Variants in NPFFR1 observed in about 807,000 individuals in gnomAD.
NPFFR1 encodes neuropeptide FF receptor 1, also known as G-protein coupled receptor 147.
In NPFFR1, 17 loss-of-function variants were observed where a neutral mutation model predicts 12.7. That is an observed-to-expected ratio of 1.34 (90% confidence interval 0.92 to 2.01). NPFFR1 has a LOEUF of 2.01. Among genes scored for constraint, NPFFR1 ranks in the 30% most tolerant of loss-of-function variants. NPFFR1 has a pLI of 0.00. For missense variants in NPFFR1, 604 were observed against 606.5 expected, an observed-to-expected ratio of 1.00 and a Z score of 0.04; for synonymous variants, 296 against 264.5, an observed-to-expected ratio of 1.12 and a Z score of -1.16.
In NPFFR1 at chr10:70,247,687, A is replaced by C. The variant is rs1840463841; in HGVS notation, c.*7270T>G. ...ACAGATAAACTAATTTGCCCAAATC[A>C]CTAAGCTTGGGTTTTTCCACCCACA... On this transcript the variant is annotated 3_prime_UTR_variant, in exon 4 of 4. Coordinates refer to ENST00000277942, the MANE Select transcript of NPFFR1 (RefSeq NM_022146.5). 6.6e-6 allele frequency: 1 copy of C among 152,256 alleles called. No individual in the cohort carries two copies. Among genetic ancestry groups the C allele is most frequent in the Admixed American group, 6.5e-5 (1 of 15,288 alleles). The allele number at this position is 152,256 out of a possible 1,614,324, so 9.4% of individuals were successfully genotyped here.
At chr10:70,283,608 G>A in intron 1 of NPFFR1, 62 bp downstream of exon 1, 3 of 1,474,858 alleles carry the variant, frequency 2.0e-6, no homozygotes, top group Admixed American at 2.0e-5. Context: ...CTCTCCCTTC[G>A]CCCCATGCCC....
At position 70,255,080 on chromosome 10, in the gene NPFFR1, G is replaced by T. The variant is rs1362996955; in HGVS notation, c.1170C>A (p.Ser390Arg). ...DSGLPSESGP[S>R]SGAPRPGRLP... ...GGCGGCCGGGCCTGGGGGCCCCACT[G>T]CTAGGGCCCGACTCAGAGGGCAGCC... Residue 390 changes from serine (S) to arginine (R), a missense_variant, in exon 4 of 4, where the codon AGC becomes AGA. Ser to Arg is a moderately radical substitution (Grantham distance 110). Transcript: ENST00000277942. This position sits in a 1 kb window ranked among gnomAD's most constrained non-coding sequence, Gnocchi z 4.2. 10 of 1,457,078 alleles carry T rather than the reference G, an allele frequency of 6.9e-6. No individual in the cohort carries two copies. Among genetic ancestry groups the T allele is most frequent in the Non-Finnish European group, 9.0e-6 (10 of 1,111,338 alleles). The allele number at this position is 1,457,078 out of a possible 1,614,324, so 90.3% of individuals were successfully genotyped here. A position where few individuals can be genotyped will look rare whatever the true frequency, so the allele number is the denominator to read the frequency against.
rs181276178 is a variant in NPFFR1, at chr10:70,266,612, C to A, written c.8-221G>T. ...TTCATGCCCTGTCTTGCCCATAACTCATTCTCCAATGTTGGTTTTTCTTTA... is the reference window on the plus strand; with the variant it reads ...TTCATGCCCTGTCTTGCCCATAACTAATTCTCCAATGTTGGTTTTTCTTTA... On this transcript the variant is annotated intron_variant, in intron 1 of 3. Coordinates refer to ENST00000277942, the MANE Select transcript of NPFFR1 (RefSeq NM_022146.5). 1.2e-4 allele frequency among the ~76,000 whole-genome samples: 19 copies of A among 152,312 alleles called. No individual in the cohort carries two copies. In the East Asian group the frequency reaches 1.9e-3, roughly 15 times the overall value.
At chr10:70,278,310 C>A (rs1205716367) in intron 1 of NPFFR1, among the ~76,000 whole-genome samples, 2 of 141,528 alleles carry the variant, frequency 1.4e-5, no homozygotes, top group African/African-American at 5.1e-5. Context: ...CACCCCCCAC[C>A]CTGCCCCGTA....
At position 70,255,387 on chromosome 10, in the gene NPFFR1, G is replaced by A. The variant is rs746767725; in HGVS notation, c.863C>T (p.Ala288Val). Residue 288 changes from alanine to valine, a missense_variant, in exon 4 of 4, where the codon GCG becomes GTG. Ala to Val is a moderately conservative substitution (Grantham distance 64). Transcript: ENST00000277942. The surrounding 1 kb of genome is among the most constrained non-coding windows in gnomAD (Gnocchi z 4.2). The part of the protein sequence containing the change: ...FFTLSWLPLW[A>V]LLLLIDYGQL... ...CCCGTAGTCGATGAGCAGCAGCAGC[G>A]CCCAGAGCGGCAGCCAGGACAGCGT... 5 of 1,548,032 alleles carry A rather than the reference G, an allele frequency of 3.2e-6. No homozygotes were observed. Among genetic ancestry groups the A allele is most frequent in the Non-Finnish European group, 4.4e-6 (5 of 1,149,328 alleles).
At position 70,254,940 on chromosome 10, in the gene NPFFR1, G is replaced by T. The variant is rs752147107; in HGVS notation, c.*17C>A. On this transcript the variant is annotated 3_prime_UTR_variant, in exon 4 of 4. Transcript: ENST00000277942. ...AATCGGGGCCCTGAGGCAGCGTCCC[G>T]CCCTCCCTGGACCCCCTCAGATATC... is the stretch of plus-strand genomic sequence containing the variant. 3.8e-6 allele frequency: 4 copies of T among 1,052,038 alleles called. No individual in the cohort carries two copies. Among genetic ancestry groups the T allele is most frequent in the Non-Finnish European group, 1.2e-6 (1 of 803,952 alleles). 65.2% of individuals were successfully genotyped at this position (1,052,038 alleles called of 1,614,324 possible).
intron 2 of NPFFR1, among the ~76,000 whole-genome samples, chr10:70,263,532 C>T (rs1164829805): frequency 6.6e-6 from 1 of 152,172 alleles, no homozygotes. Context: ...CTTGGCCTCC[C>T]AAAGTGCTGG....
chr10:70,265,665 G>A (rs978942291), intron 2 of NPFFR1, among the ~76,000 whole-genome samples: 6 of 152,178 alleles, frequency 3.9e-5, no homozygotes. Context: ...GAGAGAGTGG[G>A]ACTGAATGGT....
chr10:70,252,143 G>A lies in NPFFR1; in HGVS notation c.*2814C>T, dbSNP rs934385443. 1 of 152,232 alleles carries A rather than the reference G, an allele frequency of 6.6e-6. No individual in the cohort carries two copies. The highest frequency in any genetic ancestry group is 2.4e-5 in the African/African-American group (1 of 41,456). The allele number at this position is 152,232 out of a possible 1,614,324, so 9.4% of individuals were successfully genotyped here. A position where few individuals can be genotyped will look rare whatever the true frequency, so the allele number is the denominator to read the frequency against. On this transcript the variant is annotated 3_prime_UTR_variant, in exon 4 of 4. Transcript: ENST00000277942. ...GATAGAAACAACCTAAGTGTCCACT[G>A]ATGGATGAATGAACAAAATGAGGAC... is the stretch of plus-strand genomic sequence containing the variant.
intron 1 of NPFFR1, among the ~76,000 whole-genome samples, chr10:70,274,386 T>C (rs1215314885): frequency 6.7e-6 from 1 of 150,082 alleles, no homozygotes; most frequent in Non-Finnish European, 1.5e-5. Context: ...GAGGTGGAGG[T>C]TGCAATGAGC....
chr10:70,282,662 A>G (rs181445362), intron 1 of NPFFR1, among the ~76,000 whole-genome samples: 188 of 152,278 alleles, frequency 1.2e-3, no homozygotes, highest in African/African-American at 4.4e-3. Context: ...ATCCTCACAG[A>G]CACTCTCTGA....
chr10:70,270,726 G>A (rs1011597798), intron 1 of NPFFR1, among the ~76,000 whole-genome samples: 1 of 152,204 alleles, frequency 6.6e-6, no homozygotes, highest in Non-Finnish European at 1.5e-5. Context: ...TGGGCTGCAT[G>A]CTAGCAGCCA....
chr10:70,273,753 G>A (rs1840773620), intron 1 of NPFFR1, among the ~76,000 whole-genome samples: 1 of 152,090 alleles, frequency 6.6e-6, no homozygotes, highest in Non-Finnish European at 1.5e-5. Flanking sequence ...CCTTCCATTG[G>A]ATGACCTCCC....
chr10:70,277,599 G>A (rs530091901), intron 1 of NPFFR1, among the ~76,000 whole-genome samples: 49 of 152,284 alleles, frequency 3.2e-4, no homozygotes, highest in African/African-American at 9.9e-4. Context: ...ACCCCCTTCC[G>A]TACATGGCCA....
At chr10:70,264,419 G>A (rs901611261) in intron 2 of NPFFR1, among the ~76,000 whole-genome samples, 8 of 147,734 alleles carry the variant, frequency 5.4e-5, no homozygotes, top group African/African-American at 2.0e-4. Context: ...GCTGTGTGAA[G>A]TTTTATTTAA....
intron 1 of NPFFR1, among the ~76,000 whole-genome samples, chr10:70,267,428 T>C (rs1008516661): frequency 2.0e-5 from 3 of 152,220 alleles, no homozygotes; most frequent in Non-Finnish European, 2.9e-5. Context: ...CTTTTGTATT[T>C]TTTTTAAACC....
chr10:70,260,844 C>T (rs1840626087), intron 2 of NPFFR1, 105 bp from the exon 3 acceptor site: 2 of 934,226 alleles, frequency 2.1e-6, no homozygotes, highest in African/African-American at 3.3e-5. Context: ...ATCTTTCCTC[C>T]ATGACCTGCT....
chr10:70,266,514 C>T (rs1840693279), intron 1 of NPFFR1, 123 bp from the exon 2 acceptor site: 1 of 759,962 alleles, frequency 1.3e-6, no homozygotes, highest in Non-Finnish European at 2.1e-6. Context: ...AAGCATGTCC[C>T]CAGCTCCAGT....
intron 2 of NPFFR1, among the ~76,000 whole-genome samples, chr10:70,263,520 G>A (rs952337164): frequency 1.3e-5 from 2 of 152,016 alleles, no homozygotes; most frequent in Non-Finnish European, 2.9e-5. Flanking sequence ...TCATCCACCC[G>A]CCTTGGCCTC....
Sources: allele counts gnomAD v4.1 joint callset (sites outside exome capture counted in the v4.1 genomes callset), GRCh38; gene constraint gnomAD v4.1.1; non-coding constraint Gnocchi (gnomAD v3.1); transcripts MANE v1.5; gene names NCBI Gene and HGNC (gene_info 2026-07-23, HGNC 2026-07-21).